KIRREL3: variants seen among roughly 807,000 people sequenced by gnomAD.
The protein encoded by KIRREL3 is kirre like nephrin family adhesion molecule 3, also known as kin of IRRE-like protein 3.
Under a neutral mutation model 89.7 loss-of-function variants are expected in KIRREL3, and 36 were observed. The ratio of observed to expected loss-of-function variants is 0.40; its 90% CI spans 0.31 to 0.53. The LOEUF (loss-of-function observed/expected upper bound fraction) is 0.53, where lower values mean the gene tolerates loss of function less well. KIRREL3 is among the 20% of genes least tolerant of loss of function. KIRREL3 has a pLI of 0.49. For missense variants in KIRREL3, 864 were observed against 1,056.6 expected (o/e 0.82, Z 2.53); for synonymous variants, 445 against 441.4 (o/e 1.01, Z -0.10).
chr11:126,811,548 T>C lies in KIRREL3; in HGVS notation c.55+188907A>G, dbSNP rs532731610. Among the ~76,000 whole-genome samples, 1 of 152,356 alleles carries C rather than the reference T, an allele frequency of 6.6e-6. No individual in the cohort carries two copies. The highest frequency in any genetic ancestry group is 1.9e-4 in the East Asian group (1 of 5,190). On this transcript the variant is annotated intron_variant, in intron 1 of 16. Coordinates refer to ENST00000525144, the MANE Select transcript of KIRREL3 (RefSeq NM_032531.4). The surrounding 1 kb of genome is among the most constrained non-coding windows in gnomAD (Gnocchi z 4.3). ...GGACGGTGCCAGCTACAGCTGACCC[T>C]TCCCTCACAGCATGCAACGTTAGCA...
At position 126,454,259 on chromosome 11, in the gene KIRREL3, G is replaced by A. The variant is rs140396919; in HGVS notation, c.848+2090C>T. Among the ~76,000 whole-genome samples, 6 of 152,092 alleles carry A rather than the reference G, an allele frequency of 3.9e-5. No individual in the cohort carries two copies. Among genetic ancestry groups the A allele is most frequent in the African/African-American group, 9.6e-5 (4 of 41,512 alleles). ...CGTTTCCTGGGTGTTTGCTGTCCGG[G>A]TCAGTAGGCAGGTGTGGGTGGGGGA... On this transcript the variant is annotated intron_variant, in intron 7 of 16. Transcript: ENST00000525144. The surrounding 1 kb of genome is among the most constrained non-coding windows in gnomAD (Gnocchi z 5.8).
rs1169541718 is a variant in KIRREL3, at chr11:126,995,437, A to G, written c.55+5018T>C. On this transcript the variant is annotated intron_variant, in intron 1 of 16. Coordinates refer to ENST00000525144, the MANE Select transcript of KIRREL3 (RefSeq NM_032531.4). This position sits in a 1 kb window ranked among gnomAD's most constrained non-coding sequence, Gnocchi z 6.5. ...CCTCTCTGTTTCTTGATGGACCCCAATAAAAAAACGCCTGCACTGTTTTTC... is the reference window on the plus strand; with the variant it reads ...CCTCTCTGTTTCTTGATGGACCCCAGTAAAAAAACGCCTGCACTGTTTTTC... The G allele has an allele frequency of 4.9e-6, 2 of 410,160 alleles. No individual in the cohort carries two copies. The highest frequency in any genetic ancestry group is 3.0e-5 in the Admixed American group (1 of 33,896). 25.4% of individuals were successfully genotyped at this position (410,160 alleles called of 1,614,324 possible).
At position 126,607,328 on chromosome 11, in the gene KIRREL3, G is replaced by A. The variant is rs1942930630; in HGVS notation, c.56-44416C>T. On this transcript the variant is annotated intron_variant, in intron 1 of 16. Transcript: ENST00000525144. This position sits in a 1 kb window ranked among gnomAD's most constrained non-coding sequence, Gnocchi z 6.6. ...GGTGTGGTTTTGGGCAGACAGAACG[G>A]GTTTCTTATGGCTGGGGCTGCTTTC... 6.6e-6 allele frequency among the ~76,000 whole-genome samples: 1 copy of A among 152,216 alleles called. No homozygotes were observed. Among genetic ancestry groups the A allele is most frequent in the South Asian group, 2.1e-4 (1 of 4,826 alleles).
In KIRREL3 at chr11:126,537,143, C is replaced by T. The variant is rs1207194243; in HGVS notation, c.134-10456G>A. On this transcript the variant is annotated intron_variant, in intron 2 of 16. Coordinates refer to ENST00000525144, the MANE Select transcript of KIRREL3 (RefSeq NM_032531.4). The surrounding 1 kb of genome is among the most constrained non-coding windows in gnomAD (Gnocchi z 4.3). The stretch of plus-strand genomic sequence containing the variant: ...TCAGACCTGGACAGGAAGTGAGGGT[C>T]ACTAATATAAGGATGGAAATGCTTG... 6.6e-6 allele frequency among the ~76,000 whole-genome samples: 1 copy of T among 152,130 alleles called. No homozygotes were observed. The highest frequency in any genetic ancestry group is 2.4e-5 in the African/African-American group (1 of 41,412).
At chr11:126,534,257 T>A (rs938071777) in intron 2 of KIRREL3, among the ~76,000 whole-genome samples, 2 of 8,244 alleles carry the variant, frequency 2.4e-4, no homozygotes, top group Non-Finnish European at 4.9e-4. Flanking sequence ...AGGGGGCTAC[T>A]GGGGTGGAAG....
chr11:126,812,781 C>T lies in KIRREL3; in HGVS notation c.55+187674G>A, dbSNP rs1951432317. Among the ~76,000 whole-genome samples the T allele has an allele frequency of 6.6e-6, 1 of 152,198 alleles. No individual in the cohort carries two copies. The highest frequency in any genetic ancestry group is 1.5e-5 in the Non-Finnish European group (1 of 68,030). On this transcript the variant is annotated intron_variant, in intron 1 of 16. Coordinates refer to ENST00000525144, the MANE Select transcript of KIRREL3 (RefSeq NM_032531.4). The surrounding 1 kb of genome is among the most constrained non-coding windows in gnomAD (Gnocchi z 5.2). Reference sequence around the variant, plus strand: ...CAATCAAGCAATGCATTTCAATCAACTTCTACAATGATCCAATTTCTGGGT... The same window carrying T: ...CAATCAAGCAATGCATTTCAATCAATTTCTACAATGATCCAATTTCTGGGT...
chr11:126,479,181 C>G (rs11220514), intron 4 of KIRREL3, among the ~76,000 whole-genome samples: 29,840 of 151,992 alleles, frequency 0.2, 3,169 homozygotes, highest in Non-Finnish European at 0.24. Flanking sequence ...GCTAGGAGTT[C>G]CAGCACTGAC....
At chr11:126,753,037 T>C (rs908120864) in intron 1 of KIRREL3, among the ~76,000 whole-genome samples, 2 of 152,160 alleles carry the variant, frequency 1.3e-5, no homozygotes, top group African/African-American at 4.8e-5. Context: ...GATGGAGACA[T>C]AAGCCCTCCA....
intron 1 of KIRREL3, among the ~76,000 whole-genome samples, chr11:126,693,827 G>T (rs901924582): frequency 2.0e-5 from 3 of 152,230 alleles, no homozygotes; most frequent in African/African-American, 7.2e-5. Context: ...TCTGGCCTGG[G>T]CTGCAGCCCC....
rs1282073885 is a variant in KIRREL3 at position 126,981,014 on chromosome 11, G to A, written c.55+19441C>T. ...TTTCATCCTCAGTACTTAGCAATGA[G>A]AGATGGTATACTTAGATCTCTGTAC... On this transcript the variant is annotated intron_variant, in intron 1 of 16. Coordinates refer to ENST00000525144, the MANE Select transcript of KIRREL3 (RefSeq NM_032531.4). This position sits in a 1 kb window ranked among gnomAD's most constrained non-coding sequence, Gnocchi z 4.2. 1.3e-5 allele frequency among the ~76,000 whole-genome samples: 2 copies of A among 152,182 alleles called. No individual in the cohort carries two copies. The highest frequency in any genetic ancestry group is 2.4e-5 in the African/African-American group (1 of 41,432).
In KIRREL3 at chr11:126,520,958, G is replaced by C. The variant is rs901219438; in HGVS notation, c.433+357C>G. Among the ~76,000 whole-genome samples, 7 of 152,206 alleles carry C rather than the reference G, an allele frequency of 4.6e-5. No homozygotes were observed. The highest frequency in any genetic ancestry group is 4.4e-5 in the Non-Finnish European group (3 of 68,036). ...TTCAGAAAGAAGGGACCCACAGCCT[G>C]TGCCACATTCTTCCTGGCACGGAGC... is the stretch of plus-strand genomic sequence containing the variant. On this transcript the variant is annotated intron_variant, in intron 4 of 16. Transcript: ENST00000525144. This position sits in a 1 kb window ranked among gnomAD's most constrained non-coding sequence, Gnocchi z 4.9.
In KIRREL3 at chr11:126,976,072, G is replaced by T. The variant is rs924233923; in HGVS notation, c.55+24383C>A. 6.6e-6 allele frequency among the ~76,000 whole-genome samples: 1 copy of T among 151,746 alleles called. No individual in the cohort carries two copies. Among genetic ancestry groups the T allele is most frequent in the Non-Finnish European group, 1.5e-5 (1 of 67,960 alleles). On this transcript the variant is annotated intron_variant, in intron 1 of 16. Coordinates refer to ENST00000525144, the MANE Select transcript of KIRREL3 (RefSeq NM_032531.4). The surrounding 1 kb of genome is among the most constrained non-coding windows in gnomAD (Gnocchi z 4.2). ...GTCACATCAGCAGAGGGTGCCATGG[G>T]GGTGTTAGCATCTTCCAGATGAACA...
rs1474224443 is a variant in KIRREL3 at position 126,719,475 on chromosome 11, T to G, written c.56-156563A>C. Among the ~76,000 whole-genome samples the G allele has an allele frequency of 6.6e-6, 1 of 152,200 alleles. No homozygotes were observed. The highest frequency in any genetic ancestry group is 1.5e-5 in the Non-Finnish European group (1 of 68,026). On this transcript the variant is annotated intron_variant, in intron 1 of 16. Coordinates refer to ENST00000525144, the MANE Select transcript of KIRREL3 (RefSeq NM_032531.4). The surrounding 1 kb of genome is among the most constrained non-coding windows in gnomAD (Gnocchi z 4.7). ...GTCTACATTCACTGCCTAGGTGATCTTACTTAGTCCCATGGCTTTCATTCC... is the reference window on the plus strand; with the variant it reads ...GTCTACATTCACTGCCTAGGTGATCGTACTTAGTCCCATGGCTTTCATTCC...
intron 1 of KIRREL3, among the ~76,000 whole-genome samples, chr11:126,790,142 G>T (rs1014424226): frequency 1.3e-5 from 2 of 152,166 alleles, no homozygotes; most frequent in African/African-American, 4.8e-5. Context: ...CACTCTATTG[G>T]AGTGGTCCTC....
intron 13 of KIRREL3, among the ~76,000 whole-genome samples, chr11:126,434,922 GCAGT>G (rs973742435): frequency 5.9e-5 from 9 of 152,148 alleles, no homozygotes; most frequent in African/African-American, 2.2e-4. Flanking sequence ...GAAGCAGAAG[GCAGT>G]CAGGACAGGG....
chr11:126,936,109 G>C (rs1948174308), intron 1 of KIRREL3: 1 of 152,078 alleles, frequency 6.6e-6, no homozygotes, highest in Non-Finnish European at 1.5e-5. Flanking sequence ...CACCAAAGAA[G>C]ATATACAAAT....
chr11:126,756,552 C>T (rs1949507910), intron 1 of KIRREL3, among the ~76,000 whole-genome samples: 1 of 152,218 alleles, frequency 6.6e-6, no homozygotes, highest in Non-Finnish European at 1.5e-5. Flanking sequence ...TGGTCTAGGC[C>T]CCTGGAATGC....
chr11:126,505,068 A>G (rs1957979363), intron 4 of KIRREL3, among the ~76,000 whole-genome samples: 1 of 152,222 alleles, frequency 6.6e-6, no homozygotes. Flanking sequence ...ATAGTGAAAG[A>G]TTGGATGCTT....
rs1244549648 is a variant in KIRREL3, at chr11:126,909,377, T to C, written c.55+91078A>G. On this transcript the variant is annotated intron_variant, in intron 1 of 16. Transcript: ENST00000525144. This position sits in a 1 kb window ranked among gnomAD's most constrained non-coding sequence, Gnocchi z 4.5. ...GCAAGAGAGCAAGGACGCATTGCAC[T>C]CATCCTTGCATATCTGTAGCTCCAC... Among the ~76,000 whole-genome samples, 1 of 152,178 alleles carries C rather than the reference T, an allele frequency of 6.6e-6. No homozygotes were observed. The highest frequency in any genetic ancestry group is 1.5e-5 in the Non-Finnish European group (1 of 68,032).
Sources: gnomAD v4.1 joint callset for allele counts (sites outside exome capture counted in the v4.1 genomes callset) on GRCh38, gnomAD v4.1.1 for gene constraint, Gnocchi (gnomAD v3.1) non-coding constraint, MANE v1.5 for transcripts, NCBI Gene and HGNC (gene_info 2026-07-23, HGNC 2026-07-21) for gene names.